Variants in UNC5D observed in about 807,000 individuals in gnomAD.
The protein encoded by UNC5D is unc-5 netrin receptor D.
In UNC5D, 39 loss-of-function variants were observed where a neutral mutation model predicts 105.4. That is an observed-to-expected ratio of 0.37 (90% confidence interval 0.29 to 0.48). UNC5D has a LOEUF of 0.48. Ranked by LOEUF, UNC5D falls within the 20% of genes least tolerant of loss-of-function variation. UNC5D has a pLI of 0.98. For missense variants in UNC5D, 991 were observed against 1,202.4 expected, an observed-to-expected ratio of 0.82 and a Z score of 2.60; for synonymous variants, 452 against 450.4, an observed-to-expected ratio of 1.00 and a Z score of -0.04.
chr8:35,241,590 A>G (rs995182717), intron 1 of UNC5D, among the ~76,000 whole-genome samples: 3 of 152,150 alleles, frequency 2.0e-5, no homozygotes, highest in Non-Finnish European at 4.4e-5. Flanking sequence ...TTCTATCAGG[A>G]CAAGGATAAA....
intron 1 of UNC5D, among the ~76,000 whole-genome samples, chr8:35,484,515 G>A (rs1415098028): frequency 1.3e-5 from 2 of 152,082 alleles, no homozygotes; most frequent in African/African-American, 2.4e-5. Flanking sequence ...TCATGTGAAA[G>A]TGATCTTCTT....
chr8:35,729,249 C>A (rs1829059032), intron 10 of UNC5D, among the ~76,000 whole-genome samples: 1 of 152,178 alleles, frequency 6.6e-6, no homozygotes, highest in African/African-American at 2.4e-5. Context: ...CAATTGTCCT[C>A]ACACATCTTT....
intron 1 of UNC5D, among the ~76,000 whole-genome samples, chr8:35,518,308 C>T (rs1181544630): frequency 6.6e-6 from 1 of 152,148 alleles, no homozygotes; most frequent in Admixed American, 6.5e-5. Context: ...CAGCTCCTCT[C>T]AGTGATTTAA....
At chr8:35,334,702 C>T (rs1032742710) in intron 1 of UNC5D, among the ~76,000 whole-genome samples, 2 of 151,830 alleles carry the variant, frequency 1.3e-5, no homozygotes, top group Admixed American at 1.3e-4. Context: ...TTAGTAGAGA[C>T]GGGGTTTCAC....
chr8:35,296,424 CT>C (rs377208422), intron 1 of UNC5D, among the ~76,000 whole-genome samples: 1 of 151,260 alleles, frequency 6.6e-6, no homozygotes, highest in East Asian at 1.9e-4. Flanking sequence ...TGTTAAGAAT[CT>C]TTTTTTTTGT....
At position 35,548,104 on chromosome 8, in the gene UNC5D, T is replaced by C. The variant is rs181576671; in HGVS notation, c.104-1188T>C. ...AGATGGTACCCACCTGGATTGAGGG[T>C]GGGTCTGCCTTTCCCAGCCCACTGA... On this transcript the variant is annotated intron_variant, in intron 1 of 16. Transcript: ENST00000404895. Among the ~76,000 whole-genome samples, 18 of 152,234 alleles carry C rather than the reference T, an allele frequency of 1.2e-4. No homozygotes were observed. The East Asian group carries it at 3.5e-3, about 30-fold the overall frequency.
chr8:35,595,558 A>G lies in UNC5D; in HGVS notation c.471A>G (p.Leu157=). ...SRKASVRIAY[L]RKNFEQDPQG... ...CTATCTCATGCTTCTTTGCAGATTT[A>G]CGGAAAAACTTTGAACAAGACCCAC... The change falls in exon 4 of 17, where the codon TTA becomes TTG. Residue 157 remains leucine (L), a synonymous_variant. Coordinates refer to ENST00000404895, the MANE Select transcript of UNC5D (RefSeq NM_080872.4). 1 of 1,613,984 alleles carries G rather than the reference A, an allele frequency of 6.2e-7. No individual in the cohort carries two copies.
chr8:35,421,696 T>C (rs2128966668), intron 1 of UNC5D, among the ~76,000 whole-genome samples: 1 of 152,326 alleles, frequency 6.6e-6, no homozygotes, highest in East Asian at 1.9e-4. Flanking sequence ...CATATATTTA[T>C]GTACATATAT....
chr8:35,588,535 C>T (rs1006506654), intron 3 of UNC5D, among the ~76,000 whole-genome samples: 6 of 152,160 alleles, frequency 3.9e-5, no homozygotes, highest in African/African-American at 1.2e-4. Flanking sequence ...GTAGTTCCCA[C>T]TTCTCCATCT....
intron 4 of UNC5D, among the ~76,000 whole-genome samples, chr8:35,677,886 GTGTC>G (rs1021244639): frequency 7.9e-5 from 9 of 113,362 alleles, no homozygotes; most frequent in South Asian, 3.0e-4. Flanking sequence ...GGGTGTGTGA[GTGTC>G]TGTGTGTGTG....
At chr8:35,415,929 T>C (rs993150601) in intron 1 of UNC5D, among the ~76,000 whole-genome samples, 3 of 152,142 alleles carry the variant, frequency 2.0e-5, no homozygotes, top group Non-Finnish European at 2.9e-5. Flanking sequence ...TGCTGGACAT[T>C]TACCTTGCAA....
At chr8:35,381,669 G>A (rs544915975) in intron 1 of UNC5D, among the ~76,000 whole-genome samples, 104 of 152,266 alleles carry the variant, frequency 6.8e-4, no homozygotes, top group African/African-American at 2.4e-3. Flanking sequence ...TCCCTAGTCT[G>A]AAGCACTGCC....
chr8:35,731,032 C>T lies in UNC5D; in HGVS notation c.1702C>T (p.His568Tyr). ...TTTAGGGGTGAGCTTACTCATACCA[C>T]ACGGTGCCATCCCAGAGGAGAATTC... Reference protein sequence around the residue: ...PNTGVSLLIPHGAIPEENSWE... With the variant: ...PNTGVSLLIPYGAIPEENSWE... Residue 568 changes from histidine (H) to tyrosine (Y), a missense_variant, in exon 11 of 17, where the codon CAC becomes TAC. This residue lies in a region of UNC5D where 944 missense variants were observed against 1,131.6 expected (regional missense o/e 0.83). Transcript: ENST00000404895. 3 of 1,613,916 alleles carry T rather than the reference C, an allele frequency of 1.9e-6. No homozygotes were observed. The highest frequency in any genetic ancestry group is 1.7e-4 in the Middle Eastern group (1 of 6,060).
chr8:35,502,549 G>T (rs115520303), intron 1 of UNC5D, among the ~76,000 whole-genome samples: 2 of 151,872 alleles, frequency 1.3e-5, no homozygotes, highest in African/African-American at 2.4e-5. Flanking sequence ...GATTCTCTTC[G>T]TTTTTTTGTT....
chr8:35,630,022 A>C (rs556330633), intron 4 of UNC5D, among the ~76,000 whole-genome samples: 54 of 152,148 alleles, frequency 3.5e-4, no homozygotes, highest in African/African-American at 1.3e-3. Flanking sequence ...TTTTTATTTT[A>C]CCTTAATAAA....
At chr8:35,351,898 G>T (rs1032425781) in intron 1 of UNC5D, among the ~76,000 whole-genome samples, 1 of 152,058 alleles carries the variant, frequency 6.6e-6, no homozygotes, top group Non-Finnish European at 1.5e-5. Flanking sequence ...GATATAGAAG[G>T]TAGAAACATG....
intron 11 of UNC5D, among the ~76,000 whole-genome samples, chr8:35,739,252 G>T (rs970262630): frequency 1.3e-5 from 2 of 152,072 alleles, no homozygotes; most frequent in African/African-American, 4.8e-5. Context: ...TCTTCACAGA[G>T]TCATTTAGGT....
chr8:35,342,930 C>A (rs961309421), intron 1 of UNC5D, among the ~76,000 whole-genome samples: 1 of 152,056 alleles, frequency 6.6e-6, no homozygotes, highest in African/African-American at 2.4e-5. Flanking sequence ...AAACAAATAC[C>A]TCTGCTACAT....
chr8:35,666,666 G>A (rs1000075821), intron 4 of UNC5D, among the ~76,000 whole-genome samples: 1 of 152,098 alleles, frequency 6.6e-6, no homozygotes, highest in African/African-American at 2.4e-5. Context: ...CTCCCCAAAT[G>A]AGAAAATGTT....
Sources: gnomAD v4.1 joint callset for allele counts (sites outside exome capture counted in the v4.1 genomes callset) on GRCh38, gnomAD v4.1.1 for gene constraint, gnomAD v4.1.1 regional missense constraint, MANE v1.5 for transcripts, NCBI Gene and HGNC (gene_info 2026-07-23, HGNC 2026-07-21) for gene names.